The following LRCH1 variants were observed in gnomAD, a reference collection of about 807,000 sequenced individuals.
LRCH1 encodes the protein leucine-rich repeat and calponin homology domain-containing protein 1.
A neutral mutation model predicts 94.9 loss-of-function variants in LRCH1; 23 were observed. That is an observed-to-expected ratio of 0.24 (90% confidence interval 0.17 to 0.34). The LOEUF (loss-of-function observed/expected upper bound fraction) is 0.34. Ranked by LOEUF, LRCH1 falls within the 10% of genes least tolerant of loss-of-function variation. The pLI, the probability that LRCH1 is intolerant of heterozygous loss-of-function variation, is 1.00. For synonymous variants in LRCH1, 364 were observed against 354.9 expected, an observed-to-expected ratio of 1.03 and a Z score of -0.29; for missense variants, 790 against 945.9, an observed-to-expected ratio of 0.84 and a Z score of 2.16.
chr13:46,593,258 A>T (rs2050520522), intron 1 of LRCH1, among the ~76,000 whole-genome samples: 1 of 149,668 alleles, frequency 6.7e-6, no homozygotes, highest in Admixed American at 6.7e-5. Context: ...GTTTTTCCTT[A>T]AGAGGTTTTT....
chr13:46,689,010 A>C lies in LRCH1; in HGVS notation c.951-123A>C. ...TAATACTAGACTGATTTGTTGCCTT[A>C]TGGTAATAATAAAAATTTGCGTAGC... On this transcript the variant is annotated intron_variant, in intron 6 of 19. Transcript: ENST00000389797. The C allele has an allele frequency of 5.5e-6, 4 of 727,676 alleles. No homozygotes were observed. The South Asian group carries it at 5.6e-5, about 10-fold the overall frequency. The allele number at this position is 727,676 out of a possible 1,614,324, so 45.1% of individuals were successfully genotyped here.
chr13:46,677,181 G>A (rs569795198), intron 3 of LRCH1, among the ~76,000 whole-genome samples: 15 of 151,662 alleles, frequency 9.9e-5, no homozygotes, highest in East Asian at 5.8e-4. Context: ...AGGCCAAAGC[G>A]GGTGGATCAC....
At chr13:46,614,781 C>T (rs574751323) in intron 1 of LRCH1, among the ~76,000 whole-genome samples, 5 of 152,190 alleles carry the variant, frequency 3.3e-5, no homozygotes, top group Middle Eastern at 3.4e-3. Flanking sequence ...TGAATAATGA[C>T]GTAAGAAGGA....
chr13:46,569,578 C>T (rs1462580106), intron 1 of LRCH1, among the ~76,000 whole-genome samples: 2 of 152,108 alleles, frequency 1.3e-5, no homozygotes, highest in East Asian at 3.9e-4. Flanking sequence ...TGTGATCCTG[C>T]ATACTCCTTG....
chr13:46,648,780 A>G (rs1030025796), intron 1 of LRCH1, among the ~76,000 whole-genome samples: 1 of 152,062 alleles, frequency 6.6e-6, no homozygotes, highest in African/African-American at 2.4e-5. Context: ...CCCTTTTGCT[A>G]TTATCATAAA....
At chr13:46,634,651 T>G (rs1004347110) in intron 1 of LRCH1, among the ~76,000 whole-genome samples, 1 of 152,256 alleles carries the variant, frequency 6.6e-6, no homozygotes, top group Non-Finnish European at 1.5e-5. Context: ...ATAACTATGC[T>G]GCTAAATGTA....
chr13:46,637,205 T>C (rs1373188295), intron 1 of LRCH1, among the ~76,000 whole-genome samples: 3 of 152,218 alleles, frequency 2.0e-5, no homozygotes, highest in Non-Finnish European at 4.4e-5. Context: ...TTTCAAAAGA[T>C]ACAACCTGAA....
At chr13:46,678,076 C>T (rs1240974732) in intron 3 of LRCH1, among the ~76,000 whole-genome samples, 2 of 152,090 alleles carry the variant, frequency 1.3e-5, no homozygotes, top group South Asian at 2.1e-4. Flanking sequence ...TACTAATTGC[C>T]GAAGTTGAGG....
chr13:46,710,768 G>A (rs974732560), intron 13 of LRCH1, among the ~76,000 whole-genome samples: 7 of 152,122 alleles, frequency 4.6e-5, no homozygotes, highest in African/African-American at 1.4e-4. Flanking sequence ...CAATAATTTG[G>A]TGGCATATAT....
chr13:46,560,031 G>A (rs1335543371), intron 1 of LRCH1, among the ~76,000 whole-genome samples: 1 of 151,324 alleles, frequency 6.6e-6, no homozygotes, highest in East Asian at 1.9e-4. Context: ...TGCCCGTGCT[G>A]TCCATCTGGT....
intron 16 of LRCH1, 93 bp downstream of exon 16, chr13:46,715,757 A>G: frequency 1.3e-6 from 1 of 759,684 alleles, no homozygotes; most frequent in Non-Finnish European, 2.2e-6. Flanking sequence ...GATAGAGTAT[A>G]TTCACCTGCA....
chr13:46,623,277 G>C (rs1218112427), intron 1 of LRCH1, among the ~76,000 whole-genome samples: 1 of 152,106 alleles, frequency 6.6e-6, no homozygotes, highest in East Asian at 1.9e-4. Context: ...GATAATGCTT[G>C]TGGTTATTAG....
rs111553778 is a variant in LRCH1 at position 46,675,027 on chromosome 13, T to C, written c.579+5871T>C. Among the ~76,000 whole-genome samples, 780 of 152,318 alleles carry C rather than the reference T, an allele frequency of 5.1e-3. 11 individuals carry two copies. Among genetic ancestry groups the C allele is most frequent in the African/African-American group, 0.018 (757 of 41,574 alleles). ...AAAAAGGTTTGGTACAAATGGTCAATGTCTCACTAATGTTTTGTTACTGTG... is the reference window on the plus strand; with the variant it reads ...AAAAAGGTTTGGTACAAATGGTCAACGTCTCACTAATGTTTTGTTACTGTG... On this transcript the variant is annotated intron_variant, in intron 3 of 19. Transcript: ENST00000389797.
At chr13:46,577,475 A>C (rs1011190092) in intron 1 of LRCH1, among the ~76,000 whole-genome samples, 5 of 152,182 alleles carry the variant, frequency 3.3e-5, no homozygotes, top group Non-Finnish European at 7.3e-5. Context: ...TATATTTGCA[A>C]AATCCCTTTG....
intron 1 of LRCH1, among the ~76,000 whole-genome samples, chr13:46,562,538 A>T (rs2050141336): frequency 6.6e-6 from 1 of 152,208 alleles, no homozygotes; most frequent in Non-Finnish European, 1.5e-5. Flanking sequence ...ATAGGACCTC[A>T]TGTAATCTTC....
chr13:46,555,537 T>G (rs1416836139), intron 1 of LRCH1, among the ~76,000 whole-genome samples: 1 of 152,166 alleles, frequency 6.6e-6, no homozygotes, highest in Admixed American at 6.5e-5. Context: ...ATGCTGAAAG[T>G]GTTCTTGTTG....
At chr13:46,653,418 TA>T (rs962562591) in intron 2 of LRCH1, among the ~76,000 whole-genome samples, 9 of 151,996 alleles carry the variant, frequency 5.9e-5, no homozygotes, top group African/African-American at 2.2e-4. Flanking sequence ...TATAAAGATA[TA>T]AAAAAAAGTG....
At chr13:46,619,108 CT>C (rs2050848953) in intron 1 of LRCH1, among the ~76,000 whole-genome samples, 4 of 55,974 alleles carry the variant, frequency 7.1e-5, no homozygotes, top group Admixed American at 5.5e-4. Flanking sequence ...TCCTTCCTTC[CT>C]TCCTTTTTTT....
At chr13:46,737,093 G>T (rs557955163) in intron 19 of LRCH1, among the ~76,000 whole-genome samples, 1 of 152,248 alleles carries the variant, frequency 6.6e-6, no homozygotes, top group South Asian at 2.1e-4. Flanking sequence ...TTGCTCCAGG[G>T]TGGGTCATGG....
Sources: gnomAD v4.1 joint callset for allele counts (sites outside exome capture counted in the v4.1 genomes callset) on GRCh38, gnomAD v4.1.1 for gene constraint, MANE v1.5 for transcripts, NCBI Gene and HGNC (gene_info 2026-07-23, HGNC 2026-07-21) for gene names.